CDH18: variants seen among roughly 807,000 people sequenced by gnomAD.
CDH18 encodes cadherin-18.
A neutral mutation model predicts 67.9 loss-of-function variants in CDH18; 31 were observed. The ratio of observed to expected loss-of-function variants is 0.46; its 90% confidence interval spans 0.34 to 0.62. The LOEUF is 0.62. CDH18 is among the 20% of genes least tolerant of loss of function. The probability of loss-of-function intolerance (pLI) is 0.01; values close to 1 mark genes in which losing one functional copy is unlikely to be tolerated. For missense variants in CDH18, 890 were observed against 975.5 expected (o/e 0.91, Z 1.17); for synonymous variants, 362 against 347.2 (o/e 1.04, Z -0.48).
intron 6 of CDH18, among the ~76,000 whole-genome samples, chr5:19,599,445 G>C (rs897521105): frequency 2.0e-5 from 3 of 152,000 alleles, no homozygotes; most frequent in African/African-American, 7.2e-5. Flanking sequence ...CTGCTTTTAT[G>C]AATATAAAAA....
At chr5:20,059,213 T>C (rs1742253558) in intron 2 of CDH18, among the ~76,000 whole-genome samples, 1 of 152,142 alleles carries the variant, frequency 6.6e-6, no homozygotes, top group African/African-American at 2.4e-5. Flanking sequence ...ATTTGATTCT[T>C]CTCTCTTTTC....
intron 2 of CDH18, among the ~76,000 whole-genome samples, chr5:20,151,536 G>A (rs189890518): frequency 1.2e-4 from 18 of 152,156 alleles, no homozygotes; most frequent in Admixed American, 4.6e-4. Context: ...AATGATAGCT[G>A]TTTTAAGTTA....
At chr5:19,847,719 C>T (rs976229673) in intron 2 of CDH18, among the ~76,000 whole-genome samples, 2 of 152,034 alleles carry the variant, frequency 1.3e-5, no homozygotes, top group African/African-American at 4.8e-5. Flanking sequence ...AAAATGGTTT[C>T]CTACAGAGAA....
chr5:19,809,800 T>A (rs1362229646), intron 3 of CDH18, among the ~76,000 whole-genome samples: 2 of 152,150 alleles, frequency 1.3e-5, no homozygotes, highest in African/African-American at 4.8e-5. Context: ...TGAATATTTC[T>A]CAAGTTAAAG....
chr5:20,304,409 A>G (rs1736232236), intron 1 of CDH18: 1 of 1,415,744 alleles, frequency 7.1e-7, no homozygotes, highest in East Asian at 2.3e-5. Flanking sequence ...TTCAGTAACT[A>G]CTACTTTGGG....
chr5:20,505,362 C>T (rs144179746), intron 1 of CDH18, among the ~76,000 whole-genome samples: 1 of 152,084 alleles, frequency 6.6e-6, no homozygotes, highest in Admixed American at 6.5e-5. Context: ...TTAACATTTT[C>T]TATATATCAG....
chr5:19,519,436 C>T (rs1746545512), intron 10 of CDH18, among the ~76,000 whole-genome samples: 1 of 152,092 alleles, frequency 6.6e-6, no homozygotes, highest in Admixed American at 6.6e-5. Flanking sequence ...TTTGGGTTCA[C>T]TAAAGACAAT....
At chr5:20,565,819 T>A (rs889913967) in intron 1 of CDH18, among the ~76,000 whole-genome samples, 4 of 152,158 alleles carry the variant, frequency 2.6e-5, no homozygotes, top group African/African-American at 9.6e-5. Context: ...AACACACTTT[T>A]CTGTCAACTA....
At chr5:20,062,765 C>T (rs901066617) in intron 2 of CDH18, among the ~76,000 whole-genome samples, 1 of 152,084 alleles carries the variant, frequency 6.6e-6, no homozygotes, top group African/African-American at 2.4e-5. Flanking sequence ...GACACATCTA[C>T]ACATCAAAAA....
chr5:20,392,165 C>T (rs111620815), intron 1 of CDH18, among the ~76,000 whole-genome samples: 1 of 151,660 alleles, frequency 6.6e-6, no homozygotes, highest in Non-Finnish European at 1.5e-5. Context: ...GTCATATTCA[C>T]CATCTTATTT....
rs968246023 is a variant in CDH18 at position 19,892,737 on chromosome 5, G to A, written c.-256-53495C>T. Among the ~76,000 whole-genome samples the A allele has an allele frequency of 3.9e-5, 6 of 152,058 alleles. No homozygotes were observed. The East Asian group carries it at 1.2e-3, about 29-fold the overall frequency. On this transcript the variant is annotated intron_variant, in intron 2 of 12. Transcript: ENST00000382275. Reference sequence around the variant, plus strand: ...GCAGAGGCCCAGATAGAAAGGTACCGATTCCGAGAACATATGGGTGAGCTC... The same window carrying A: ...GCAGAGGCCCAGATAGAAAGGTACCAATTCCGAGAACATATGGGTGAGCTC...
At chr5:20,363,175 T>A (rs1162380668) in intron 1 of CDH18, among the ~76,000 whole-genome samples, 1 of 152,136 alleles carries the variant, frequency 6.6e-6, no homozygotes, top group Admixed American at 6.6e-5. Flanking sequence ...TCGGATTATG[T>A]TACTGTCCTG....
At chr5:20,241,395 C>A (rs987596237) in intron 2 of CDH18, among the ~76,000 whole-genome samples, 2 of 151,988 alleles carry the variant, frequency 1.3e-5, no homozygotes, top group Admixed American at 6.6e-5. Flanking sequence ...AGTGCCTGAC[C>A]ATGGTGTGAG....
rs555112391 is a variant in CDH18, at chr5:20,042,027, A to T, written c.-517-50013T>A. Among the ~76,000 whole-genome samples the T allele has an allele frequency of 2.0e-5, 3 of 152,348 alleles. No individual in the cohort carries two copies. In the South Asian group the frequency reaches 6.2e-4, roughly 32 times the overall value. ...TCTAGAGTGCACATTTATGGGCAGGACACCTGCATTTACATATGAGTGAAG... is the reference window on the plus strand; with the variant it reads ...TCTAGAGTGCACATTTATGGGCAGGTCACCTGCATTTACATATGAGTGAAG... On this transcript the variant is annotated intron_variant, in intron 2 of 14. Transcript: ENST00000507958.
chr5:19,567,985 T>A (rs1175757167), intron 8 of CDH18, among the ~76,000 whole-genome samples: 1 of 152,206 alleles, frequency 6.6e-6, no homozygotes, highest in Admixed American at 6.5e-5. Context: ...ATGATTTGTA[T>A]ATATAGACAC....
chr5:19,648,071 C>T (rs918000293), intron 5 of CDH18, among the ~76,000 whole-genome samples: 2 of 151,732 alleles, frequency 1.3e-5, no homozygotes, highest in Admixed American at 1.3e-4. Flanking sequence ...GATTCTACAA[C>T]CATATCGAAG....
intron 1 of CDH18, among the ~76,000 whole-genome samples, chr5:20,354,380 A>G (rs1272231961): frequency 2.6e-5 from 4 of 152,170 alleles, no homozygotes; most frequent in Non-Finnish European, 5.9e-5. Flanking sequence ...ATTATGTAAC[A>G]TGACATTTTA....
chr5:20,041,105 G>T (rs535000226), intron 2 of CDH18, among the ~76,000 whole-genome samples: 6 of 152,246 alleles, frequency 3.9e-5, no homozygotes, highest in African/African-American at 1.4e-4. Flanking sequence ...AAGGAAGCTG[G>T]TGTATGAACT....
At chr5:19,792,987 T>C (rs1323184078) in intron 3 of CDH18, among the ~76,000 whole-genome samples, 1 of 152,176 alleles carries the variant, frequency 6.6e-6, no homozygotes, top group African/African-American at 2.4e-5. Context: ...CCTTTATAGC[T>C]TGGCATTTGG....
Sources: gnomAD v4.1 joint callset for allele counts (sites outside exome capture counted in the v4.1 genomes callset) on GRCh38, gnomAD v4.1.1 for gene constraint, MANE v1.5 for transcripts, NCBI Gene and HGNC (gene_info 2026-07-23, HGNC 2026-07-21) for gene names.